Variants in CLPB observed in about 807,000 individuals in gnomAD.
CLPB encodes ClpB family mitochondrial disaggregase.
Under a neutral mutation model 78.4 loss-of-function variants are expected in CLPB, and 40 were observed. The observed-to-expected ratio is 0.51, with a 90% CI of 0.40 to 0.66. The LOEUF is 0.66. Ranked by LOEUF, CLPB falls within the 30% of genes least tolerant of loss-of-function variation. The pLI is 0.00. For synonymous variants in CLPB, 333 were observed against 348.0 expected, an observed-to-expected ratio of 0.96 and a Z score of 0.48; for missense variants, 780 against 886.9, an observed-to-expected ratio of 0.88 and a Z score of 1.53.
intron 9 of CLPB, among the ~76,000 whole-genome samples, chr11:72,303,205 C>T (rs903491516): frequency 6.6e-6 from 1 of 152,214 alleles, no homozygotes; most frequent in African/African-American, 2.4e-5. Context: ...CCCCACAGTC[C>T]CCCGGGCTCC....
chr11:72,410,566 C>A (rs1855847109), intron 2 of CLPB: 1 of 152,196 alleles, frequency 6.6e-6, no homozygotes, highest in African/African-American at 2.4e-5. Flanking sequence ...AAAGAAGTGA[C>A]AGAGTAACTA....
intron 9 of CLPB, among the ~76,000 whole-genome samples, chr11:72,304,424 T>C (rs1176475899): frequency 1.3e-5 from 2 of 152,218 alleles, no homozygotes; most frequent in African/African-American, 4.8e-5. Flanking sequence ...CCCAAGCAGC[T>C]GGACTCAGAT....
At chr11:72,304,880 CA>C (rs1293029510) in intron 9 of CLPB, among the ~76,000 whole-genome samples, 4 of 152,176 alleles carry the variant, frequency 2.6e-5, no homozygotes, top group African/African-American at 9.7e-5. Context: ...TTCCATACAT[CA>C]CTCTTTGGGT....
At chr11:72,387,971 A>G (rs1331519828) in intron 3 of CLPB, among the ~76,000 whole-genome samples, 1 of 152,078 alleles carries the variant, frequency 6.6e-6, no homozygotes, top group Non-Finnish European at 1.5e-5. Flanking sequence ...AGCGTCACTA[A>G]CTGTGCTACC....
rs1448307131 is a variant in CLPB, at chr11:72,308,583, C to G, written c.1010G>C (p.Gly337Ala). Reference sequence around the variant, plus strand: ...CAGAGGGTGTTCTTCATCGTACCAGCCATTCTCCTTCCTCCGGATCGCTAC... The same window carrying G: ...CAGAGGGTGTTCTTCATCGTACCAGGCATTCTCCTTCCTCCGGATCGCTAC... ...VGAAIRRKEN[G>A]WYDEEHPLVF... is the part of the protein sequence containing the mutation. The change falls in exon 8 of 16, where the codon GGC (glycine) becomes GCC (alanine). Residue 337 changes from glycine to alanine, a missense_variant. This residue lies in a region of CLPB where 91 missense variants were observed against 168.2 expected (regional missense o/e 0.54). Transcript: ENST00000538039. 1 of 1,614,190 alleles carries G rather than the reference C, an allele frequency of 6.2e-7. No homozygotes were observed. The highest frequency in any genetic ancestry group is 1.3e-5 in the African/African-American group (1 of 75,062).
At chr11:72,429,409 T>C (rs542425695) in intron 2 of CLPB, among the ~76,000 whole-genome samples, 21 of 152,268 alleles carry the variant, frequency 1.4e-4, no homozygotes, top group Non-Finnish European at 2.2e-4. Context: ...CAACACTTTC[T>C]TGTATGTTCA....
chr11:72,334,484 G>A (rs1950285395), intron 5 of CLPB, among the ~76,000 whole-genome samples: 1 of 152,230 alleles, frequency 6.6e-6, no homozygotes, highest in African/African-American at 2.4e-5. Flanking sequence ...CTGCACCCTC[G>A]CTCTGACTTG....
At chr11:72,363,808 T>C (rs1030770117) in intron 4 of CLPB, among the ~76,000 whole-genome samples, 1 of 152,220 alleles carries the variant, frequency 6.6e-6, no homozygotes, top group African/African-American at 2.4e-5. Context: ...CTTCTGCCAA[T>C]GCCCACAGGC....
At chr11:72,392,670 T>G (rs920030012) in intron 3 of CLPB, among the ~76,000 whole-genome samples, 1 of 152,226 alleles carries the variant, frequency 6.6e-6, no homozygotes, top group Admixed American at 6.5e-5. Flanking sequence ...ACACTTTATA[T>G]TCACTATTTC....
intron 2 of CLPB, among the ~76,000 whole-genome samples, chr11:72,419,601 T>C (rs1347665786): frequency 6.6e-6 from 1 of 152,154 alleles, no homozygotes; most frequent in Non-Finnish European, 1.5e-5. Context: ...CTAGCTGGAG[T>C]ACCATTGGCC....
intron 3 of CLPB, among the ~76,000 whole-genome samples, chr11:72,398,385 G>A (rs1037178355): frequency 2.6e-5 from 4 of 152,078 alleles, no homozygotes; most frequent in Admixed American, 6.5e-5. Context: ...GAATCAAGTC[G>A]CCCGAGAGCG....
intron 2 of CLPB, among the ~76,000 whole-genome samples, chr11:72,418,316 C>A (rs543525782): frequency 6.6e-6 from 1 of 152,150 alleles, no homozygotes; most frequent in South Asian, 2.1e-4. Flanking sequence ...GGCTCACAGC[C>A]TAGGTCAGGA....
chr11:72,324,450 C>T (rs1175260034), intron 6 of CLPB, among the ~76,000 whole-genome samples: 5 of 152,122 alleles, frequency 3.3e-5, no homozygotes, highest in Admixed American at 2.6e-4. Flanking sequence ...CCTGTAATTC[C>T]AGCTACTGGG....
chr11:72,424,804 T>C (rs958904462), intron 2 of CLPB, among the ~76,000 whole-genome samples: 4 of 151,902 alleles, frequency 2.6e-5, no homozygotes, highest in African/African-American at 4.8e-5. Context: ...GAGAATGGCA[T>C]GAACCCGGGT....
At position 72,434,311 on chromosome 11, in the gene CLPB, C is replaced by T. The variant is rs1180909162; in HGVS notation, c.164G>A (p.Arg55His). The T allele has an allele frequency of 6.2e-7, 1 of 1,612,248 alleles. No homozygotes were observed. Among genetic ancestry groups the T allele is most frequent in the Admixed American group, 1.7e-5 (1 of 59,984 alleles). Residue 55 changes from arginine to histidine, a missense_variant, in exon 1 of 16, where the codon CGC becomes CAC. Transcript: ENST00000538039. ...GAACAAGGCCGGCGATGTTCCAGGG[C>T]GCCCCCCGGTGGCTACCCTCAGCCA... ...PQWLRVATGG[R>H]PGTSPALFSG... is the part of the protein sequence containing the mutation.
At position 72,301,242 on chromosome 11, in the gene CLPB, C is replaced by T. The variant is rs367582402; in HGVS notation, c.1329+561G>A. Among the ~76,000 whole-genome samples the T allele has an allele frequency of 1.6e-4, 25 of 152,284 alleles. No individual in the cohort carries two copies. The South Asian group carries it at 5.0e-3, about 30-fold the overall frequency. ...CCTACGAGCAGGGGAACTGGACAGT[C>T]TGTGAGAACCCTCAGATTCTCAGAA... On this transcript the variant is annotated intron_variant, in intron 11 of 15. Transcript: ENST00000538039.
intron 4 of CLPB, among the ~76,000 whole-genome samples, chr11:72,378,913 T>C (rs1854808562): frequency 6.6e-6 from 1 of 152,130 alleles, no homozygotes; most frequent in Non-Finnish European, 1.5e-5. Context: ...AAAGAACAGC[T>C]GAGGGCAGGT....
At chr11:72,313,105 C>T (rs1331870451) in intron 7 of CLPB, among the ~76,000 whole-genome samples, 1 of 152,126 alleles carries the variant, frequency 6.6e-6, no homozygotes, top group Admixed American at 6.5e-5. Flanking sequence ...TGATAGGTGC[C>T]AGGGATATAG....
chr11:72,405,105 A>C (rs574129414), intron 2 of CLPB, among the ~76,000 whole-genome samples: 6 of 152,214 alleles, frequency 3.9e-5, no homozygotes, highest in Non-Finnish European at 8.8e-5. Context: ...GCTGAAGAAA[A>C]TCAGAGGCTT....
Sources: allele counts gnomAD v4.1 joint callset (sites outside exome capture counted in the v4.1 genomes callset), GRCh38; gene constraint gnomAD v4.1.1; regional missense constraint gnomAD v4.1.1; transcripts MANE v1.5; gene names NCBI Gene and HGNC (gene_info 2026-07-23, HGNC 2026-07-21).